Variants in NELL1 observed in about 807,000 individuals in gnomAD.
The protein encoded by NELL1 is protein kinase C-binding protein NELL1.
Under a neutral mutation model 107.4 loss-of-function variants are expected in NELL1, and 76 were observed. The ratio of observed to expected loss-of-function variants is 0.71; its 90% confidence interval spans 0.59 to 0.86. The LOEUF (loss-of-function observed/expected upper bound fraction) is 0.86, where lower values mean the gene tolerates loss of function less well. Among genes scored for constraint, NELL1 ranks in the 40% least tolerant of loss-of-function variants. The pLI is 0.00. For synonymous variants in NELL1, 353 were observed against 341.2 expected, an observed-to-expected ratio of 1.03 and a Z score of -0.38; for missense variants, 1,024 against 1,005.5, an observed-to-expected ratio of 1.02 and a Z score of -0.25.
chr11:21,040,392 G>A (rs1853201041), intron 12 of NELL1, among the ~76,000 whole-genome samples: 1 of 152,006 alleles, frequency 6.6e-6, no homozygotes. Flanking sequence ...ACATTTTGAG[G>A]AAATTGCTGT....
intron 14 of NELL1, among the ~76,000 whole-genome samples, chr11:21,316,188 A>G (rs1391854154): frequency 6.6e-6 from 1 of 151,952 alleles, no homozygotes; most frequent in African/African-American, 2.4e-5. Context: ...TAAATCCCTG[A>G]TTTTTAAAGC....
intron 2 of NELL1, among the ~76,000 whole-genome samples, chr11:20,715,496 A>G (rs1222134689): frequency 1.3e-5 from 2 of 152,164 alleles, no homozygotes; most frequent in South Asian, 2.1e-4. Flanking sequence ...AACTCAGGAG[A>G]CTATGCCTGT....
At chr11:20,834,707 A>T (rs567907867) in intron 3 of NELL1, among the ~76,000 whole-genome samples, 1 of 151,994 alleles carries the variant, frequency 6.6e-6, no homozygotes, top group Non-Finnish European at 1.5e-5. Context: ...TCTCAAAAAA[A>T]AAAACAAAAA....
chr11:21,573,114 C>A (rs1427945966), intron 18 of NELL1, 71 bp from the exon 19 acceptor site: 1 of 1,165,650 alleles, frequency 8.6e-7, no homozygotes, highest in East Asian at 2.4e-5. Flanking sequence ...CTCTCTTTCC[C>A]CTTCTATGAC....
chr11:21,239,350 T>C (rs1274190106), intron 14 of NELL1, among the ~76,000 whole-genome samples: 2 of 152,050 alleles, frequency 1.3e-5, no homozygotes, highest in Non-Finnish European at 2.9e-5. Context: ...CAGGGATGGA[T>C]CGTCTCACTA....
intron 13 of NELL1, among the ~76,000 whole-genome samples, chr11:21,132,256 TG>T (rs1282343728): frequency 2.0e-5 from 3 of 151,726 alleles, no homozygotes; most frequent in Non-Finnish European, 4.4e-5. Flanking sequence ...CACAGGGCAA[TG>T]GGGAGGGTAA....
intron 15 of NELL1, among the ~76,000 whole-genome samples, chr11:21,402,997 A>G (rs1195030110): frequency 6.6e-6 from 1 of 151,748 alleles, no homozygotes; most frequent in African/African-American, 2.4e-5. Context: ...GACTCTTGTC[A>G]ATAACTGTAG....
chr11:20,986,554 C>T (rs1412769379), intron 12 of NELL1, among the ~76,000 whole-genome samples: 1 of 152,124 alleles, frequency 6.6e-6, no homozygotes, highest in Non-Finnish European at 1.5e-5. Flanking sequence ...ATCACTTGGA[C>T]CCAGGTGCCT....
At position 21,102,176 on chromosome 11, in the gene NELL1, T is replaced by C. The variant is rs181006857; in HGVS notation, c.1301-11413T>C. Among the ~76,000 whole-genome samples, 83 of 152,340 alleles carry C rather than the reference T, an allele frequency of 5.4e-4. No individual in the cohort carries two copies. In the East Asian group the frequency reaches 0.013, roughly 23 times the overall value. The stretch of plus-strand genomic sequence containing the variant: ...CCAAAGTACAATGTTTCTTAACCTT[T>C]TTGTTAAAAAATTATTGCTTCCCTA... On this transcript the variant is annotated intron_variant, in intron 12 of 19. Transcript: ENST00000357134.
At chr11:20,991,976 AG>A (rs67752631) in intron 12 of NELL1, among the ~76,000 whole-genome samples, 32,997 of 142,902 alleles carry the variant, frequency 0.23, 4,079 homozygotes, top group Middle Eastern at 0.42. Flanking sequence ...GTTCTTTCAA[AG>A]CCAGTGTAGC....
intron 14 of NELL1, among the ~76,000 whole-genome samples, chr11:21,340,620 T>TACACACACACACACACAC (rs71034506): frequency 7.1e-6 from 1 of 141,708 alleles, no homozygotes; most frequent in African/African-American, 2.7e-5. Flanking sequence ...TATGACGGGT[T>TACACACACACACACACAC]ACACACACAC....
intron 5 of NELL1, among the ~76,000 whole-genome samples, chr11:20,915,717 A>ATATATAT: frequency 0.032 from 1,857 of 58,264 alleles, 137 homozygotes; most frequent in East Asian, 0.063. Context: ...ATATATATAT[A>ATATATAT]TTTTTTTTTT....
At chr11:20,946,385 T>A (rs908493394) in intron 10 of NELL1, among the ~76,000 whole-genome samples, 12 of 152,138 alleles carry the variant, frequency 7.9e-5, no homozygotes, top group South Asian at 4.1e-4. Context: ...TCAGCATTTT[T>A]AAAAAAATAG....
intron 15 of NELL1, among the ~76,000 whole-genome samples, chr11:21,469,852 G>A (rs182761641): frequency 1.3e-5 from 2 of 152,020 alleles, no homozygotes; most frequent in African/African-American, 4.8e-5. Flanking sequence ...GTAGCACTAC[G>A]TGTTTAGAAA....
chr11:20,690,450 A>G (rs12790011), intron 2 of NELL1, among the ~76,000 whole-genome samples: 83 of 150,378 alleles, frequency 5.5e-4, no homozygotes, highest in African/African-American at 1.8e-3. Context: ...ATCTTGAATT[A>G]ATTTTTGTAT....
chr11:21,319,131 A>ACG (rs1555002065), intron 14 of NELL1, among the ~76,000 whole-genome samples: 2 of 146,642 alleles, frequency 1.4e-5, no homozygotes, highest in African/African-American at 5.0e-5. Context: ...TCTCAGCAAT[A>ACG]TGTGTGTGTG....
intron 3 of NELL1, among the ~76,000 whole-genome samples, chr11:20,803,367 G>C (rs1427043622): frequency 6.6e-6 from 1 of 152,098 alleles, no homozygotes; most frequent in African/African-American, 2.4e-5. Flanking sequence ...AGCCTCTAAT[G>C]ATCCTTTGAA....
At chr11:21,377,112 T>C (rs1021361293) in intron 15 of NELL1, among the ~76,000 whole-genome samples, 5 of 152,086 alleles carry the variant, frequency 3.3e-5, no homozygotes, top group African/African-American at 1.2e-4. Flanking sequence ...TGAATATCTT[T>C]GTCTTGTTCC....
chr11:20,851,053 C>T (rs866924866), intron 4 of NELL1, among the ~76,000 whole-genome samples: 4 of 152,110 alleles, frequency 2.6e-5, no homozygotes, highest in Admixed American at 1.3e-4. Context: ...CATGTACTGC[C>T]AAAGACAAGG....
Sources: gnomAD v4.1 joint callset for allele counts (sites outside exome capture counted in the v4.1 genomes callset) on GRCh38, gnomAD v4.1.1 for gene constraint, MANE v1.5 for transcripts, NCBI Gene and HGNC (gene_info 2026-07-23, HGNC 2026-07-21) for gene names.